Variants in CASK observed in about 807,000 individuals in gnomAD.
The protein encoded by CASK is peripheral plasma membrane protein CASK.
In CASK, 4 loss-of-function variants were observed where a neutral mutation model predicts 82.9. The observed-to-expected ratio is 0.05, with a 90% confidence interval of 0.02 to 0.11. CASK has a LOEUF of 0.11. Among genes scored for constraint, CASK ranks in the 10% least tolerant of loss-of-function variants. The pLI is 1.00. For missense variants in CASK, 358 were observed against 720.9 expected, an observed-to-expected ratio of 0.50 and a Z score of 5.76; for synonymous variants, 259 against 253.5, an observed-to-expected ratio of 1.02 and a Z score of -0.20.
intron 11 of CASK, among the ~76,000 whole-genome samples, chrX:41,612,347 C>G (rs2066081482): frequency 9.1e-6 from 1 of 109,325 alleles, no homozygotes; most frequent in Non-Finnish European, 1.9e-5. Flanking sequence ...CTCTGCCCAG[C>G]CGCCCCGTCT....
At chrX:41,846,308 G>A (rs1212276630) in intron 2 of CASK, among the ~76,000 whole-genome samples, 7 of 110,908 alleles carry the variant, frequency 6.3e-5, no homozygotes, top group Non-Finnish European at 1.1e-4. Context: ...TATGTTAAAT[G>A]AGATGAGCCA....
intron 2 of CASK, among the ~76,000 whole-genome samples, chrX:41,852,309 T>A (rs1450389983): frequency 9.0e-6 from 1 of 111,536 alleles, no homozygotes; most frequent in Non-Finnish European, 1.9e-5. Flanking sequence ...CCCTAGATTT[T>A]CCAATCTAAA....
chrX:41,557,328 T>G, intron 18 of CASK, among the ~76,000 whole-genome samples: 1 of 111,805 alleles, frequency 8.9e-6, no homozygotes, highest in Non-Finnish European at 1.9e-5. Flanking sequence ...AATCAATTCT[T>G]TCCTATCTCT....
intron 2 of CASK, among the ~76,000 whole-genome samples, chrX:41,830,764 G>A (rs1466914396): frequency 9.9e-6 from 1 of 101,357 alleles, no homozygotes; most frequent in Non-Finnish European, 2.0e-5. Context: ...AGCTTGCAGT[G>A]AGCCGAGATC....
rs190233018 is a variant in CASK at position 41,769,593 on chromosome X, C to G, written c.278+17585G>C. Among the ~76,000 whole-genome samples, 5 of 110,771 alleles carry G rather than the reference C, an allele frequency of 4.5e-5. No individual in the cohort carries two copies. The Admixed American group carries it at 4.9e-4, about 11-fold the overall frequency. ...GGCACTGAAAATCTAAGCCTTAAAT[C>G]TTGAGTAAGAAAGTCTTAAACAGCT... On this transcript the variant is annotated intron_variant, in intron 3 of 26. Coordinates refer to ENST00000378163, the MANE Select transcript of CASK (RefSeq NM_001367721.1).
intron 2 of CASK, among the ~76,000 whole-genome samples, chrX:41,826,192 C>T (rs1441495876): frequency 2.7e-5 from 3 of 112,064 alleles, no homozygotes. Flanking sequence ...TCATCTCTCC[C>T]ATCCAGAGGT....
At chrX:41,588,275 C>T (rs190986824) in intron 13 of CASK, 1 of 111,802 alleles carries the variant, frequency 8.9e-6, no homozygotes, top group Non-Finnish European at 1.9e-5. Context: ...AAACCACATA[C>T]TCTCTCTGGG....
intron 5 of CASK, among the ~76,000 whole-genome samples, chrX:41,737,216 C>T (rs1347419287): frequency 9.0e-6 from 1 of 111,547 alleles, no homozygotes; most frequent in Non-Finnish European, 1.9e-5. Context: ...CCGCAAAGAG[C>T]GCCCAGCCAG....
Position 41,922,968 on chromosome X carries a change from C to A in CASK, c.21G>T (p.Leu7=), listed in dbSNP as rs763257819. 1 of 1,211,254 alleles carries A rather than the reference C, an allele frequency of 8.3e-7. No homozygotes were observed. Residue 7 remains leucine, a synonymous_variant, in exon 1 of 27, where the codon CTG becomes CTT. Coordinates refer to ENST00000378163, the MANE Select transcript of CASK (RefSeq NM_001367721.1). The part of the protein sequence containing the change: MADDDV[L]FEDVYELCEV... ...CGCACAGCTCGTACACATCCTCGAA[C>A]AGCACGTCGTCGTCGGCCATGGTCC... is the stretch of plus-strand genomic sequence containing the variant.
intron 16 of CASK, among the ~76,000 whole-genome samples, chrX:41,568,658 C>G (rs1397262279): frequency 8.9e-6 from 1 of 111,845 alleles, no homozygotes; most frequent in African/African-American, 3.2e-5. Context: ...TCCACATATC[C>G]AAACCCTGCC....
intron 11 of CASK, among the ~76,000 whole-genome samples, chrX:41,613,629 T>TA (rs767946526): frequency 0.013 from 640 of 49,848 alleles, 13 homozygotes; most frequent in African/African-American, 0.035. Flanking sequence ...AATGATCAAT[T>TA]AAAAAAAAAA....
intron 1 of CASK, among the ~76,000 whole-genome samples, chrX:41,865,271 T>C (rs1037498711): frequency 1.8e-5 from 2 of 111,801 alleles, no homozygotes; most frequent in Non-Finnish European, 3.8e-5. Context: ...AACATCTGAG[T>C]GAACTGAGCT....
chrX:41,713,048 C>T (rs186709728), intron 5 of CASK, among the ~76,000 whole-genome samples: 33 of 111,933 alleles, frequency 2.9e-4, no homozygotes, highest in African/African-American at 6.8e-4. Context: ...CTCTCCTGCA[C>T]GGCTGGTTCT....
At chrX:41,664,489 G>C (rs1288787237) in intron 7 of CASK, among the ~76,000 whole-genome samples, 1 of 110,781 alleles carries the variant, frequency 9.0e-6, no homozygotes, top group Non-Finnish European at 1.9e-5. Flanking sequence ...ATAATGAGAG[G>C]AAAAAGAATT....
intron 5 of CASK, chrX:41,728,965 T>C (rs2068317959): frequency 8.1e-6 from 1 of 123,401 alleles, no homozygotes; most frequent in Non-Finnish European, 1.9e-5. Flanking sequence ...ATATTTGGAT[T>C]AGGCTTTGTC....
intron 22 of CASK, among the ~76,000 whole-genome samples, chrX:41,539,767 T>G (rs1436191544): frequency 2.7e-5 from 3 of 112,297 alleles, no homozygotes; most frequent in Non-Finnish European, 3.8e-5. Context: ...AAGCAAATGG[T>G]TCTTCTGGAC....
At chrX:41,917,380 C>G (rs1019474103) in intron 1 of CASK, among the ~76,000 whole-genome samples, 3 of 112,124 alleles carry the variant, frequency 2.7e-5, no homozygotes, top group African/African-American at 9.7e-5. Context: ...TTTAAACAAC[C>G]TTATGTCAAA....
At chrX:41,682,058 A>G (rs994168024) in intron 5 of CASK, among the ~76,000 whole-genome samples, 16 of 105,939 alleles carry the variant, frequency 1.5e-4, no homozygotes, top group Non-Finnish European at 2.5e-4. Context: ...ACCATTGTAA[A>G]AAAAAAAAAA....
chrX:41,610,060 T>C, intron 11 of CASK, 35 bp from the exon 12 acceptor site: 1 of 1,196,821 alleles, frequency 8.4e-7, no homozygotes, highest in Non-Finnish European at 1.1e-6. Flanking sequence ...ACAGCCAGTA[T>C]AGAAAGTCAA....
Sources: allele counts gnomAD v4.1 joint callset (sites outside exome capture counted in the v4.1 genomes callset), GRCh38; gene constraint gnomAD v4.1.1; transcripts MANE v1.5; gene names NCBI Gene and HGNC (gene_info 2026-07-23, HGNC 2026-07-21).